The following L3MBTL4 variants were observed in gnomAD, a reference collection of about 807,000 sequenced individuals.
The protein encoded by L3MBTL4 is L3MBTL histone methyl-lysine binding protein 4, also known as lethal(3)malignant brain tumor-like protein 4.
Under a neutral mutation model 84.5 loss-of-function variants are expected in L3MBTL4, and 70 were observed. The ratio of observed to expected loss-of-function variants is 0.83; its 90% CI spans 0.68 to 1.01. The LOEUF is 1.01. L3MBTL4 is among the 50% of genes least tolerant of loss of function. The pLI, the probability that L3MBTL4 is intolerant of heterozygous loss-of-function variation, is 0.00. For synonymous variants in L3MBTL4, 274 were observed against 259.8 expected (o/e 1.05, Z -0.52); for missense variants, 715 against 754.8 (o/e 0.95, Z 0.62).
At chr18:6,182,718 A>G (rs868838936) in intron 12 of L3MBTL4, among the ~76,000 whole-genome samples, 1 of 152,140 alleles carries the variant, frequency 6.6e-6, no homozygotes, top group African/African-American at 2.4e-5. Flanking sequence ...ATTTTTGTAC[A>G]TGGTGTAAGG....
chr18:6,023,868 T>C (rs1790028837), intron 16 of L3MBTL4, among the ~76,000 whole-genome samples: 1 of 152,212 alleles, frequency 6.6e-6, no homozygotes, highest in Admixed American at 6.5e-5. Flanking sequence ...GGTAGATTTA[T>C]TATTTGAACC....
chr18:6,136,979 T>G (rs2060045968), intron 14 of L3MBTL4, among the ~76,000 whole-genome samples: 1 of 152,232 alleles, frequency 6.6e-6, no homozygotes. Flanking sequence ...CCTCCTGGCC[T>G]TCTTCCAAGT....
intron 12 of L3MBTL4, 41 bp from the exon 13 acceptor site, chr18:6,171,983 G>C (rs1242492699): frequency 3.2e-6 from 3 of 939,532 alleles, no homozygotes; most frequent in African/African-American, 1.7e-5. Flanking sequence ...TTAGTAATTA[G>C]GATTTCACTA....
At chr18:6,399,654 A>G (rs1234248213) in intron 1 of L3MBTL4, 2 of 152,226 alleles carry the variant, frequency 1.3e-5, no homozygotes, top group Non-Finnish European at 2.9e-5. Flanking sequence ...CTATACTTAC[A>G]TCTTAGAAAA....
intron 12 of L3MBTL4, among the ~76,000 whole-genome samples, chr18:6,176,992 ACTGCCGAGG>A (rs1445390272): frequency 6.6e-6 from 1 of 152,240 alleles, no homozygotes; most frequent in African/African-American, 2.4e-5. Context: ...AACATCAGTT[ACTGCCGAGG>A]CTGTGGAGCT....
At chr18:5,961,949 A>T (rs2095265573) in intron 17 of L3MBTL4, among the ~76,000 whole-genome samples, 1 of 152,144 alleles carries the variant, frequency 6.6e-6, no homozygotes, top group Non-Finnish European at 1.5e-5. Context: ...CAGGACACTG[A>T]GGGTGGCCTG....
chr18:6,173,245 G>A (rs1415272565), intron 12 of L3MBTL4, among the ~76,000 whole-genome samples: 1 of 152,202 alleles, frequency 6.6e-6, no homozygotes, highest in Non-Finnish European at 1.5e-5. Flanking sequence ...CTGGACATAT[G>A]CAGGGAATAT....
chr18:6,382,793 G>C (rs539205011), intron 1 of L3MBTL4, among the ~76,000 whole-genome samples: 30 of 152,344 alleles, frequency 2.0e-4, no homozygotes, highest in Middle Eastern at 3.4e-3. Flanking sequence ...ACAGGGGTCA[G>C]AGACCCACTT....
At chr18:6,321,553 T>C (rs2051403494) in intron 1 of L3MBTL4, among the ~76,000 whole-genome samples, 1 of 152,214 alleles carries the variant, frequency 6.6e-6, no homozygotes, top group South Asian at 2.1e-4. Context: ...ATCCCACTAC[T>C]GGGTATCTAG....
chr18:6,065,287 T>C (rs549316743), intron 16 of L3MBTL4, among the ~76,000 whole-genome samples: 140 of 152,214 alleles, frequency 9.2e-4, no homozygotes, highest in African/African-American at 3.2e-3. Context: ...TGCATCTATG[T>C]TCATCAAGGA....
chr18:6,157,658 C>T (rs2043157556), intron 13 of L3MBTL4, among the ~76,000 whole-genome samples: 1 of 151,830 alleles, frequency 6.6e-6, no homozygotes, highest in Non-Finnish European at 1.5e-5. Context: ...TGCTATTATG[C>T]CTGTTTATGT....
intron 4 of L3MBTL4, among the ~76,000 whole-genome samples, chr18:6,295,642 G>A (rs1383182267): frequency 6.6e-6 from 1 of 152,092 alleles, no homozygotes; most frequent in Admixed American, 6.5e-5. Context: ...TTAGAAAGTA[G>A]TGTTTTCATT....
intron 1 of L3MBTL4, among the ~76,000 whole-genome samples, chr18:6,371,516 C>T (rs1032528820): frequency 1.3e-5 from 2 of 152,070 alleles, no homozygotes; most frequent in African/African-American, 4.8e-5. Flanking sequence ...ACTGCACGAT[C>T]CTGAGGAAAG....
chr18:6,096,278 T>C (rs2058641384), intron 14 of L3MBTL4, among the ~76,000 whole-genome samples: 1 of 152,212 alleles, frequency 6.6e-6, no homozygotes, highest in Non-Finnish European at 1.5e-5. Flanking sequence ...AATCAGTCTC[T>C]CTGGTCATTC....
chr18:6,260,411 T>C (rs2048348552), intron 5 of L3MBTL4: 1 of 152,196 alleles, frequency 6.6e-6, no homozygotes. Context: ...TTCCCACCCA[T>C]GAGCATGGAA....
intron 13 of L3MBTL4, among the ~76,000 whole-genome samples, chr18:6,171,475 A>G (rs2145197973): frequency 6.6e-6 from 1 of 152,382 alleles, no homozygotes; most frequent in African/African-American, 2.4e-5. Flanking sequence ...AGTCTATTCT[A>G]TAAAATAAAG....
chr18:6,331,558 G>C (rs1371198638), intron 1 of L3MBTL4, among the ~76,000 whole-genome samples: 1 of 152,102 alleles, frequency 6.6e-6, no homozygotes, highest in African/African-American at 2.4e-5. Context: ...AGTGTCATAA[G>C]AAGCAACAAA....
At chr18:6,359,879 G>A (rs1385054582) in intron 1 of L3MBTL4, among the ~76,000 whole-genome samples, 1 of 152,020 alleles carries the variant, frequency 6.6e-6, no homozygotes, top group Non-Finnish European at 1.5e-5. Context: ...GACACAGTGG[G>A]TTAAAGGGTT....
chr18:6,183,719 G>A lies in L3MBTL4; in HGVS notation c.982-11777C>T, dbSNP rs79375321. Among the ~76,000 whole-genome samples, 651 of 152,272 alleles carry A rather than the reference G, an allele frequency of 4.3e-3. 5 individuals are homozygous for A. Among genetic ancestry groups the A allele is most frequent in the African/African-American group, 0.015 (630 of 41,552 alleles). Reference sequence around the variant, plus strand: ...CAGAGAGAGGATATTGTCCAAAAGGGATATTTTTGAGAGTAAAAGGGAACA... The same window carrying A: ...CAGAGAGAGGATATTGTCCAAAAGGAATATTTTTGAGAGTAAAAGGGAACA... On this transcript the variant is annotated intron_variant, in intron 12 of 18. Transcript: ENST00000317931.
Sources: allele counts gnomAD v4.1 joint callset (sites outside exome capture counted in the v4.1 genomes callset), GRCh38; gene constraint gnomAD v4.1.1; transcripts MANE v1.5; gene names NCBI Gene and HGNC (gene_info 2026-07-23, HGNC 2026-07-21).